PLEKHH2: variants seen among roughly 807,000 people sequenced by gnomAD.
PLEKHH2 encodes the protein pleckstrin homology domain-containing family H member 2.
Under a neutral mutation model 187.9 loss-of-function variants are expected in PLEKHH2, and 129 were observed. The ratio of observed to expected loss-of-function variants is 0.69; its 90% CI spans 0.59 to 0.79. The LOEUF (loss-of-function observed/expected upper bound fraction) is 0.79, where lower values mean the gene tolerates loss of function less well. Among genes scored for constraint, PLEKHH2 ranks in the 30% least tolerant of loss-of-function variants. The probability of loss-of-function intolerance (pLI) is 0.00; values close to 1 mark genes in which losing one functional copy is unlikely to be tolerated. For missense variants in PLEKHH2, 2,076 were observed against 1,751.2 expected (o/e 1.19, Z -3.31); for synonymous variants, 686 against 605.6 (o/e 1.13, Z -1.95).
intron 25 of PLEKHH2, among the ~76,000 whole-genome samples, chr2:43,754,218 GACTT>G (rs1427048747): frequency 1.4e-5 from 2 of 144,006 alleles, no homozygotes; most frequent in Admixed American, 1.4e-4. Flanking sequence ...AATTAATACT[GACTT>G]AATCAGAATA....
Position 43,707,568 on chromosome 2 carries a change from T to A in PLEKHH2, c.1966+23T>A, listed in dbSNP as rs767905194. On this transcript the variant is annotated intron_variant, in intron 11 of 29. Coordinates refer to ENST00000282406, the MANE Select transcript of PLEKHH2 (RefSeq NM_172069.4). The stretch of plus-strand genomic sequence containing the variant: ...GAGGTGAGGGAAAATCGCAGGCATA[T>A]GAGGCAACTCCAGATCATTCTGAAT... 3 of 1,613,400 alleles carry A rather than the reference T, an allele frequency of 1.9e-6. No individual in the cohort carries two copies. The South Asian group carries it at 3.3e-5, about 18-fold the overall frequency.
chr2:43,707,397 T>C lies in PLEKHH2; in HGVS notation c.1822-4T>C. 6.2e-6 allele frequency: 10 copies of C among 1,613,860 alleles called. No homozygotes were observed. The highest frequency in any genetic ancestry group is 8.5e-6 in the Non-Finnish European group (10 of 1,179,928). On this transcript the variant is annotated splice_region_variant and splice_polypyrimidine_tract_variant and intron_variant, in intron 10 of 29. Coordinates refer to ENST00000282406, the MANE Select transcript of PLEKHH2 (RefSeq NM_172069.4). ...TACAGGGAGGTTGTTCCACTTTTCT[T>C]TAGAAGGCGACCCAAATAAGTAGCA...
intron 16 of PLEKHH2, among the ~76,000 whole-genome samples, chr2:43,721,308 T>C (rs1032786331): frequency 3.3e-5 from 5 of 152,192 alleles, no homozygotes; most frequent in Admixed American, 3.3e-4. Context: ...ATTATGGGTA[T>C]TCTGTGTCAC....
At chr2:43,638,248 A>AACAC (rs70965309) in intron 1 of PLEKHH2, among the ~76,000 whole-genome samples, 1,551 of 148,840 alleles carry the variant, frequency 0.01, 16 homozygotes, top group South Asian at 0.036. Context: ...AAGATCTTTT[A>AACAC]ACACACACAC....
At chr2:43,656,087 T>C (rs1372067333) in intron 2 of PLEKHH2, among the ~76,000 whole-genome samples, 1 of 151,914 alleles carries the variant, frequency 6.6e-6, no homozygotes, top group Non-Finnish European at 1.5e-5. Flanking sequence ...GCCTCCCGAG[T>C]AGCTGGGACT....
chr2:43,723,777 A>G (rs978765612), intron 16 of PLEKHH2, among the ~76,000 whole-genome samples: 4 of 152,174 alleles, frequency 2.6e-5, no homozygotes, highest in African/African-American at 9.6e-5. Flanking sequence ...GTGAGATGAC[A>G]AACAACTGGA....
intron 27 of PLEKHH2, among the ~76,000 whole-genome samples, chr2:43,759,569 T>C (rs550370836): frequency 6.6e-6 from 1 of 152,348 alleles, no homozygotes; most frequent in East Asian, 1.9e-4. Context: ...TGGCCAGCCC[T>C]TTCCCCAAGG....
chr2:43,676,937 G>A (rs1448828486), intron 2 of PLEKHH2, among the ~76,000 whole-genome samples: 1 of 152,080 alleles, frequency 6.6e-6, no homozygotes, highest in African/African-American at 2.4e-5. Context: ...CGGTCAAATA[G>A]GACATTTGAA....
intron 21 of PLEKHH2, among the ~76,000 whole-genome samples, chr2:43,741,567 C>T (rs562214693): frequency 6.6e-6 from 1 of 152,204 alleles, no homozygotes; most frequent in Non-Finnish European, 1.5e-5. Context: ...TATCCAGGGT[C>T]ATTTTGTCCA....
chr2:43,737,465 TCA>T (rs1053847806), intron 19 of PLEKHH2, among the ~76,000 whole-genome samples: 1 of 152,242 alleles, frequency 6.6e-6, no homozygotes, highest in African/African-American at 2.4e-5. Flanking sequence ...ATTTGCTATT[TCA>T]CACAGTTTTG....
At position 43,758,885 on chromosome 2, in the gene PLEKHH2, T is replaced by C; in HGVS notation, c.3942-15T>C. The stretch of plus-strand genomic sequence containing the variant: ...GCTTTAGTGTTTTTGTTTTTGTTCT[T>C]TTCTTTTTTTTTAGGCAGCTTTGCC... On this transcript the variant is annotated splice_polypyrimidine_tract_variant and intron_variant, in intron 26 of 29. Transcript: ENST00000282406. 1 of 1,569,544 alleles carries C rather than the reference T, an allele frequency of 6.4e-7. No homozygotes were observed. The highest frequency in any genetic ancestry group is 8.6e-7 in the Non-Finnish European group (1 of 1,157,382).
At chr2:43,653,720 A>G (rs1346119569) in intron 2 of PLEKHH2, among the ~76,000 whole-genome samples, 1 of 152,160 alleles carries the variant, frequency 6.6e-6, no homozygotes, top group Non-Finnish European at 1.5e-5. Context: ...TTGGTAGAAA[A>G]CCAGACGTGA....
At chr2:43,656,977 C>G (rs574508777) in intron 2 of PLEKHH2, among the ~76,000 whole-genome samples, 36 of 152,298 alleles carry the variant, frequency 2.4e-4, no homozygotes, top group African/African-American at 8.2e-4. Context: ...CGAGATCGCG[C>G]CATTGCACTC....
intron 2 of PLEKHH2, among the ~76,000 whole-genome samples, chr2:43,656,658 G>T (rs116605395): frequency 1.0e-3 from 155 of 152,288 alleles, no homozygotes; most frequent in African/African-American, 3.4e-3. Flanking sequence ...GCCATTCCAC[G>T]ATGTATACAT....
At chr2:43,725,085 C>T (rs897988242) in intron 16 of PLEKHH2, among the ~76,000 whole-genome samples, 6 of 152,084 alleles carry the variant, frequency 3.9e-5, no homozygotes, top group South Asian at 2.1e-4. Flanking sequence ...AATGGGCTAG[C>T]GAGGAGGGAG....
intron 19 of PLEKHH2, among the ~76,000 whole-genome samples, chr2:43,735,858 G>T (rs1264516022): frequency 6.6e-6 from 1 of 152,022 alleles, no homozygotes; most frequent in African/African-American, 2.4e-5. Flanking sequence ...TGCCGAAAAG[G>T]CATTTGACAA....
rs147836766 is a variant in PLEKHH2, at chr2:43,742,795, A to G, written c.3276A>G (p.Gln1092=). ...IYCQRCVERT[Q]QNGDREARPS... ...GCCAGCGTTGTGTAGAAAGAACGCA[A>G]CAAAATGGTGACAGAGAAGCAAGAC... Residue 1092 remains glutamine (Q), a synonymous_variant, in exon 22 of 30, where the codon CAA becomes CAG. Transcript: ENST00000282406. 64 of 1,607,810 alleles carry G rather than the reference A, an allele frequency of 4.0e-5. No homozygotes were observed. In the African/African-American group the frequency reaches 7.9e-4, roughly 20 times the overall value.
At chr2:43,685,486 G>A (rs1572553237) in intron 3 of PLEKHH2, among the ~76,000 whole-genome samples, 1 of 152,060 alleles carries the variant, frequency 6.6e-6, no homozygotes, top group Admixed American at 6.6e-5. Flanking sequence ...GGAGTGCAGT[G>A]ATGCGATCTC....
chr2:43,730,327 G>T lies in PLEKHH2; in HGVS notation c.2830+582G>T, dbSNP rs568278297. Among the ~76,000 whole-genome samples, 4 of 152,288 alleles carry T rather than the reference G, an allele frequency of 2.6e-5. No individual in the cohort carries two copies. In the East Asian group the frequency reaches 7.7e-4, roughly 29 times the overall value. ...TTTATATATTTTATGTGTGGCCCAA[G>T]ACAATTCTTCTTCCAGTGTGGCCCA... On this transcript the variant is annotated intron_variant, in intron 18 of 29. Transcript: ENST00000282406.
Sources: allele counts gnomAD v4.1 joint callset (sites outside exome capture counted in the v4.1 genomes callset), GRCh38; gene constraint gnomAD v4.1.1; transcripts MANE v1.5; gene names NCBI Gene and HGNC (gene_info 2026-07-23, HGNC 2026-07-21).